The following PRKG1 variants were observed in gnomAD, a reference collection of about 807,000 sequenced individuals.
The protein encoded by PRKG1 is cGMP-dependent protein kinase 1.
PRKG1 carries 35 observed loss-of-function variants against 88.1 expected under a neutral mutation model. The ratio of observed to expected loss-of-function variants is 0.40; its 90% CI spans 0.30 to 0.53. The LOEUF (loss-of-function observed/expected upper bound fraction) is 0.53, where lower values mean the gene tolerates loss of function less well. Ranked by LOEUF, PRKG1 falls within the 20% of genes least tolerant of loss-of-function variation. The pLI is 0.59. For synonymous variants in PRKG1, 303 were observed against 292.5 expected (o/e 1.04, Z -0.37); for missense variants, 540 against 839.8 (o/e 0.64, Z 4.41).
chr10:51,161,845 G>A (rs1215693850), intron 2 of PRKG1, among the ~76,000 whole-genome samples: 1 of 152,048 alleles, frequency 6.6e-6, no homozygotes, highest in Non-Finnish European at 1.5e-5. Flanking sequence ...CAGCATAGCT[G>A]AAAAAGTAAA....
intron 1 of PRKG1, among the ~76,000 whole-genome samples, chr10:51,110,291 A>G (rs1844952646): frequency 6.6e-6 from 1 of 152,174 alleles, no homozygotes; most frequent in East Asian, 1.9e-4. Context: ...GAAACTGGAA[A>G]CAATGCAAAT....
intron 3 of PRKG1, among the ~76,000 whole-genome samples, chr10:51,527,931 G>A (rs987831419): frequency 7.9e-5 from 12 of 152,064 alleles, no homozygotes; most frequent in African/African-American, 1.7e-4. Flanking sequence ...GCTCCTTCTC[G>A]GGTTGTGACT....
chr10:51,404,255 A>G (rs770223827), intron 2 of PRKG1, among the ~76,000 whole-genome samples: 2 of 152,218 alleles, frequency 1.3e-5, no homozygotes, highest in African/African-American at 4.8e-5. Context: ...GGATATGAAA[A>G]TCTTCCTTAA....
At chr10:51,354,212 TAGAA>T (rs1842315849) in intron 2 of PRKG1, among the ~76,000 whole-genome samples, 1 of 150,532 alleles carries the variant, frequency 6.6e-6, no homozygotes, top group Non-Finnish European at 1.5e-5. Context: ...AAAAAAAAAT[TAGAA>T]AGAATGAATG....
chr10:51,542,491 G>C (rs1206974787), intron 3 of PRKG1, among the ~76,000 whole-genome samples: 3 of 152,118 alleles, frequency 2.0e-5, no homozygotes, highest in Non-Finnish European at 4.4e-5. Flanking sequence ...ACCATTACAA[G>C]TAACTGACAA....
At chr10:51,707,988 C>T (rs1437031176) in intron 3 of PRKG1, among the ~76,000 whole-genome samples, 1 of 152,160 alleles carries the variant, frequency 6.6e-6, no homozygotes, top group Non-Finnish European at 1.5e-5. Flanking sequence ...AAACCAATTC[C>T]AACCAAGGTA....
At chr10:51,847,298 C>G (rs868378101) in intron 4 of PRKG1, among the ~76,000 whole-genome samples, 1 of 152,048 alleles carries the variant, frequency 6.6e-6, no homozygotes. Flanking sequence ...AAATGCAAAA[C>G]GAGTGATGAT....
intron 2 of PRKG1, among the ~76,000 whole-genome samples, chr10:51,422,264 G>A (rs1838437811): frequency 6.6e-6 from 1 of 152,164 alleles, no homozygotes; most frequent in Non-Finnish European, 1.5e-5. Context: ...GTTTGGTTAA[G>A]AGATCCAAAC....
At chr10:51,701,437 G>A (rs1443546761) in intron 3 of PRKG1, among the ~76,000 whole-genome samples, 1 of 152,274 alleles carries the variant, frequency 6.6e-6, no homozygotes, top group East Asian at 1.9e-4. Flanking sequence ...GTTCACCCAA[G>A]ATGCGCGACA....
intron 2 of PRKG1, among the ~76,000 whole-genome samples, chr10:51,438,020 C>T (rs982889215): frequency 1.3e-5 from 2 of 151,546 alleles, no homozygotes; most frequent in Non-Finnish European, 2.9e-5. Context: ...CAGTATTGGC[C>T]TCCTTGACAG....
intron 3 of PRKG1, among the ~76,000 whole-genome samples, chr10:51,546,253 G>A (rs552738112): frequency 1.3e-5 from 2 of 151,994 alleles, no homozygotes; most frequent in South Asian, 2.1e-4. Flanking sequence ...GTGTGTATGC[G>A]GTAAATATAA....
At chr10:52,152,758 CA>C (rs1414066858) in intron 8 of PRKG1, among the ~76,000 whole-genome samples, 5 of 152,100 alleles carry the variant, frequency 3.3e-5, no homozygotes, top group African/African-American at 1.2e-4. Context: ...CAGAATTCTT[CA>C]GTGAGAAAAT....
chr10:51,741,908 A>T lies in PRKG1; in HGVS notation c.593-62677A>T, dbSNP rs149032882. Among the ~76,000 whole-genome samples, 8 of 152,330 alleles carry T rather than the reference A, an allele frequency of 5.3e-5. No individual in the cohort carries two copies. The East Asian group carries it at 1.5e-3, about 29-fold the overall frequency. On this transcript the variant is annotated intron_variant, in intron 3 of 17. Transcript: ENST00000373980. ...AGATCACCAACTGGAGGCAGGAAGA[A>T]ACTCTTAGGGAGCTGTAACTGGTTG... is the stretch of plus-strand genomic sequence containing the variant.
At chr10:51,389,060 A>G (rs1448502233) in intron 2 of PRKG1, among the ~76,000 whole-genome samples, 1 of 152,206 alleles carries the variant, frequency 6.6e-6, no homozygotes, top group Non-Finnish European at 1.5e-5. Context: ...AATTGTACTG[A>G]CCAGGCGTAT....
chr10:51,789,828 C>T (rs1287715780), intron 3 of PRKG1, among the ~76,000 whole-genome samples: 2 of 151,844 alleles, frequency 1.3e-5, no homozygotes, highest in East Asian at 3.9e-4. Flanking sequence ...CAGTCATTCT[C>T]TCTTTTTTTT....
rs538208886 is a variant in PRKG1 at position 52,168,609 on chromosome 10, G to T, written c.1076+6646G>T. 2.6e-5 allele frequency among the ~76,000 whole-genome samples: 4 copies of T among 152,132 alleles called. No homozygotes were observed. The South Asian group carries it at 8.3e-4, about 32-fold the overall frequency. On this transcript the variant is annotated intron_variant, in intron 9 of 17. Coordinates refer to ENST00000373980, the MANE Select transcript of PRKG1 (RefSeq NM_006258.4). The stretch of plus-strand genomic sequence containing the variant: ...TAAAACTGGGCACTCTTGTCTCTGT[G>T]ATTGAAGGGGTGTACATTGAAAGCA...
chr10:51,936,374 A>G (rs1842800558), intron 5 of PRKG1, among the ~76,000 whole-genome samples: 1 of 152,128 alleles, frequency 6.6e-6, no homozygotes, highest in African/African-American at 2.4e-5. Flanking sequence ...CATATAATGC[A>G]TAACTAAACC....
intron 3 of PRKG1, among the ~76,000 whole-genome samples, chr10:51,585,143 A>G (rs952067413): frequency 6.6e-6 from 1 of 151,880 alleles, no homozygotes; most frequent in African/African-American, 2.4e-5. Context: ...ATTATAAAAC[A>G]GGGAGCATCA....
intron 5 of PRKG1, among the ~76,000 whole-genome samples, chr10:52,034,789 G>T (rs1273962650): frequency 6.6e-6 from 1 of 152,128 alleles, no homozygotes; most frequent in Non-Finnish European, 1.5e-5. Context: ...GTTTTTTGCG[G>T]CACAGTGTAA....
Sources: gnomAD v4.1 joint callset for allele counts (sites outside exome capture counted in the v4.1 genomes callset) on GRCh38, gnomAD v4.1.1 for gene constraint, MANE v1.5 for transcripts, NCBI Gene and HGNC (gene_info 2026-07-23, HGNC 2026-07-21) for gene names.